Variants in AJAP1 observed in about 807,000 individuals in gnomAD.
AJAP1 encodes the protein adherens junctions associated protein 1, also known as adherens junction-associated protein 1.
In AJAP1, 5 loss-of-function variants were observed where a neutral mutation model predicts 35.0. The ratio of observed to expected loss-of-function variants is 0.14; its 90% CI spans 0.07 to 0.30. The LOEUF (loss-of-function observed/expected upper bound fraction) is 0.30. AJAP1 is among the 10% of genes least tolerant of loss of function. The pLI is 1.00. For synonymous variants in AJAP1, 284 were observed against 249.3 expected (o/e 1.14, Z -1.31); for missense variants, 586 against 571.0 (o/e 1.03, Z -0.27).
chr1:4,758,272 G>C (rs780947001), intron 2 of AJAP1, among the ~76,000 whole-genome samples: 2 of 152,154 alleles, frequency 1.3e-5, no homozygotes, highest in Non-Finnish European at 2.9e-5. Flanking sequence ...GAGACTGTCA[G>C]ATCCTATACG....
intron 5 of AJAP1, among the ~76,000 whole-genome samples, chr1:4,781,734 T>A (rs371489328): frequency 3.3e-5 from 5 of 152,234 alleles, no homozygotes; most frequent in East Asian, 1.9e-4. Flanking sequence ...GGGCAGAAGG[T>A]CCCCAGATGG....
At chr1:4,713,048 A>AT (rs541679903) in intron 2 of AJAP1, among the ~76,000 whole-genome samples, 352 of 152,116 alleles carry the variant, frequency 2.3e-3, no homozygotes, top group Admixed American at 5.6e-3. Flanking sequence ...GAATCAGAGA[A>AT]TTTTGTCTCT....
chr1:4,759,771 A>T (rs1641522725), intron 2 of AJAP1, among the ~76,000 whole-genome samples: 1 of 152,170 alleles, frequency 6.6e-6, no homozygotes, highest in Non-Finnish European at 1.5e-5. Flanking sequence ...TGACCATTTT[A>T]TAAGCTAAAC....
At chr1:4,690,880 G>A (rs919486497) in intron 1 of AJAP1, among the ~76,000 whole-genome samples, 7 of 152,180 alleles carry the variant, frequency 4.6e-5, no homozygotes, top group African/African-American at 1.7e-4. Flanking sequence ...CAGGGAGCAG[G>A]GACCTTGGGG....
intron 2 of AJAP1, among the ~76,000 whole-genome samples, chr1:4,731,314 C>T (rs1640791258): frequency 6.6e-6 from 1 of 152,234 alleles, no homozygotes; most frequent in Non-Finnish European, 1.5e-5. Flanking sequence ...CTCTTGAACT[C>T]AGGTGATCCA....
At chr1:4,670,962 A>G (rs562108657) in intron 1 of AJAP1, among the ~76,000 whole-genome samples, 15 of 152,354 alleles carry the variant, frequency 9.8e-5, no homozygotes, top group African/African-American at 3.6e-4. Flanking sequence ...TGGCCCTTCA[A>G]GGCCCTTCTA....
At chr1:4,727,923 C>T (rs1196975616) in intron 2 of AJAP1, among the ~76,000 whole-genome samples, 4 of 152,208 alleles carry the variant, frequency 2.6e-5, no homozygotes, top group Non-Finnish European at 5.9e-5. Flanking sequence ...TCTAGTTGAG[C>T]TTGCAGGTGA....
intron 2 of AJAP1, among the ~76,000 whole-genome samples, chr1:4,743,952 T>C (rs1160422975): frequency 8.4e-6 from 1 of 119,726 alleles, no homozygotes; most frequent in East Asian, 2.0e-4. Context: ...CTCCAGGCTC[T>C]CCAGGTTGGG....
intron 2 of AJAP1, among the ~76,000 whole-genome samples, chr1:4,759,504 T>G (rs1641516235): frequency 6.6e-6 from 1 of 152,196 alleles, no homozygotes; most frequent in East Asian, 1.9e-4. Flanking sequence ...GCCCCGTGTC[T>G]TCTGCTCCAG....
chr1:4,698,139 C>A (rs756097833), intron 1 of AJAP1, among the ~76,000 whole-genome samples: 5 of 152,198 alleles, frequency 3.3e-5, no homozygotes, highest in Non-Finnish European at 7.3e-5. Flanking sequence ...GAGTGATTTA[C>A]ACGGATGATC....
intron 2 of AJAP1, among the ~76,000 whole-genome samples, chr1:4,714,633 C>T (rs541461195): frequency 6.6e-6 from 1 of 152,120 alleles, no homozygotes; most frequent in South Asian, 2.1e-4. Flanking sequence ...ATTTATGGTT[C>T]TTCATAATAT....
Position 4,690,194 on chromosome 1 carries a change from C to T in AJAP1, c.30-21706C>T, listed in dbSNP as rs572422929. Among the ~76,000 whole-genome samples, 97 of 152,306 alleles carry T rather than the reference C, an allele frequency of 6.4e-4. 1 individual carries two copies. Among genetic ancestry groups the T allele is most frequent in the Middle Eastern group, 3.4e-3 (1 of 294 alleles). ...CCCCAGGAGGCCCGAGGAGGGGATGCGCCCATCCAGACCCTCCAGGAGGTT... is the reference window on the plus strand; with the variant it reads ...CCCCAGGAGGCCCGAGGAGGGGATGTGCCCATCCAGACCCTCCAGGAGGTT... On this transcript the variant is annotated intron_variant, in intron 1 of 5. Transcript: ENST00000378191.
chr1:4,654,663 T>C lies in AJAP1; in HGVS notation c.-763T>C, dbSNP rs1236476238. On this transcript the variant is annotated 5_prime_UTR_variant, in exon 1 of 6. Transcript: ENST00000378191. This position sits in a 1 kb window ranked among gnomAD's most constrained non-coding sequence, Gnocchi z 5.1. ...GCGGGCGGCTCTGCGGCGGGCGCGG[T>C]GGGCGCGGGCGGCGGGGCCCCGGGA... 2 of 146,846 alleles carry C rather than the reference T, an allele frequency of 1.4e-5. No homozygotes were observed. Among genetic ancestry groups the C allele is most frequent in the Non-Finnish European group, 3.0e-5 (2 of 65,922 alleles). The allele number at this position is 146,846 out of a possible 1,614,324, so 9.1% of individuals were successfully genotyped here. A position where few individuals can be genotyped will look rare whatever the true frequency, so the allele number is the denominator to read the frequency against.
chr1:4,760,316 AGT>A (rs1641535560), intron 2 of AJAP1, among the ~76,000 whole-genome samples: 1 of 149,722 alleles, frequency 6.7e-6, no homozygotes, highest in Non-Finnish European at 1.5e-5. Flanking sequence ...TGTGTATATG[AGT>A]GTGTGTGAAC....
At chr1:4,724,090 G>T (rs1197062439) in intron 2 of AJAP1, among the ~76,000 whole-genome samples, 3 of 152,220 alleles carry the variant, frequency 2.0e-5, no homozygotes, top group Non-Finnish European at 2.9e-5. Context: ...CATGGGTACT[G>T]CACCGACATG....
At chr1:4,741,172 G>A (rs569171195) in intron 2 of AJAP1, among the ~76,000 whole-genome samples, 1 of 152,242 alleles carries the variant, frequency 6.6e-6, no homozygotes, top group East Asian at 1.9e-4. Flanking sequence ...GAGAAGGAGT[G>A]AGAGTGAGCC....
rs769097432 is a variant in AJAP1, at chr1:4,772,498, A to C, written c.1136A>C (p.Glu379Ala). ...TDETLHSTTG[E>A]YKSTFNGNRP... Reference sequence around the variant, plus strand: ...GAGACGCTGCACTCGACGACGGGGGAGTACAAATCCACATTTAATGGAAAC... The same window carrying C: ...GAGACGCTGCACTCGACGACGGGGGCGTACAAATCCACATTTAATGGAAAC... Residue 379 changes from glutamate (E) to alanine (A), a missense_variant, in exon 4 of 6, where the codon GAG (glutamate) becomes GCG (alanine). Physicochemically the swap from Glu to Ala is moderately radical, Grantham distance 107. Transcript: ENST00000378191. The C allele has an allele frequency of 6.2e-7, 1 of 1,614,068 alleles. No individual in the cohort carries two copies. The highest frequency in any genetic ancestry group is 8.5e-7 in the Non-Finnish European group (1 of 1,180,006).
chr1:4,780,259 C>G (rs114825202), intron 5 of AJAP1, among the ~76,000 whole-genome samples: 1 of 151,964 alleles, frequency 6.6e-6, no homozygotes, highest in South Asian at 2.1e-4. Context: ...CCTTCCGTCA[C>G]CCCGTATTAA....
chr1:4,685,702 C>T (rs543178427), intron 1 of AJAP1, among the ~76,000 whole-genome samples: 31 of 152,322 alleles, frequency 2.0e-4, no homozygotes, highest in South Asian at 1.0e-3. Flanking sequence ...GGCTCCTTGG[C>T]GCCATGTTAG....
Sources: allele counts gnomAD v4.1 joint callset (sites outside exome capture counted in the v4.1 genomes callset), GRCh38; gene constraint gnomAD v4.1.1; non-coding constraint Gnocchi (gnomAD v3.1); transcripts MANE v1.5; gene names NCBI Gene and HGNC (gene_info 2026-07-23, HGNC 2026-07-21).